ARHGEF7: variants seen among roughly 807,000 people sequenced by gnomAD.
The protein encoded by ARHGEF7 is PAK-interacting exchange factor beta.
ARHGEF7 carries 33 observed loss-of-function variants against 109.8 expected under a neutral mutation model. That is an observed-to-expected ratio of 0.30 (90% CI 0.23 to 0.40). The LOEUF is 0.40. Ranked by LOEUF, ARHGEF7 falls within the 10% of genes least tolerant of loss-of-function variation. The pLI is 1.00. For synonymous variants in ARHGEF7, 458 were observed against 424.6 expected, an observed-to-expected ratio of 1.08 and a Z score of -0.97; for missense variants, 938 against 1,098.5, an observed-to-expected ratio of 0.85 and a Z score of 2.07.
intron 1 of ARHGEF7, among the ~76,000 whole-genome samples, chr13:111,130,030 A>G (rs1269368674): frequency 6.6e-6 from 1 of 152,228 alleles, no homozygotes; most frequent in African/African-American, 2.4e-5. Flanking sequence ...CCTGTAATGG[A>G]ACACGGCTCA....
intron 4 of ARHGEF7, among the ~76,000 whole-genome samples, chr13:111,211,653 C>T (rs2082512582): frequency 6.6e-6 from 1 of 152,206 alleles, no homozygotes. Flanking sequence ...CAAGACCTCT[C>T]TCAGCCATGC....
At chr13:111,251,679 G>T (rs1266797004) in intron 8 of ARHGEF7, among the ~76,000 whole-genome samples, 1 of 152,192 alleles carries the variant, frequency 6.6e-6, no homozygotes, top group Non-Finnish European at 1.5e-5. Flanking sequence ...GTCTGTTTTT[G>T]CTTAGGCATT....
Position 111,301,500 on chromosome 13 carries a change from G to T in ARHGEF7, c.2434G>T (p.Ala812Ser), listed in dbSNP as rs780817654. 1 of 1,613,140 alleles carries T rather than the reference G, an allele frequency of 6.2e-7. No individual in the cohort carries two copies. The highest frequency in any genetic ancestry group is 1.1e-5 in the South Asian group (1 of 90,992). The change falls in exon 21 of 22, where the codon GCA becomes TCA. Residue 812 changes from alanine (A) to serine (S), a missense_variant. Ala to Ser is a moderately conservative substitution (Grantham distance 99, BLOSUM62 1). This residue lies in a region of ARHGEF7 where 166 missense variants were observed against 167.3 expected (regional missense o/e 0.99). Transcript: ENST00000646102. ...EEKSLVDTVY[A>S]LKDEVQELRQ... ...CAGGAGTCTTGTGGATACCGTATAT[G>T]CATTAAAGGATGAAGTTCAAGAATT...
intron 16 of ARHGEF7, among the ~76,000 whole-genome samples, chr13:111,283,625 T>G (rs2088200037): frequency 6.6e-6 from 1 of 152,076 alleles, no homozygotes; most frequent in African/African-American, 2.4e-5. Context: ...GCCGGAGGAG[T>G]GTGCCGCCAG....
intron 2 of ARHGEF7, among the ~76,000 whole-genome samples, chr13:111,175,670 C>A (rs1035396425): frequency 6.6e-6 from 1 of 152,204 alleles, no homozygotes; most frequent in Admixed American, 6.5e-5. Flanking sequence ...TGGACGTCCT[C>A]ATAGCAGCCC....
rs538956619 is a variant in ARHGEF7, at chr13:111,173,604, G to C, written c.252+19613G>C. ...GGAAGCCTGTGAAATTTCATCCACGGATTGCTTTCCCAGGAGGTTGGCAAT... is the reference window on the plus strand; with the variant it reads ...GGAAGCCTGTGAAATTTCATCCACGCATTGCTTTCCCAGGAGGTTGGCAAT... On this transcript the variant is annotated intron_variant, in intron 2 of 21. Transcript: ENST00000646102. Among the ~76,000 whole-genome samples the C allele has an allele frequency of 5.2e-4, 79 of 152,356 alleles. 2 individuals are homozygous for C. Among genetic ancestry groups the C allele is most frequent in the African/African-American group, 1.8e-3 (73 of 41,578 alleles).
At chr13:111,197,208 T>C (rs2080625782) in intron 2 of ARHGEF7, among the ~76,000 whole-genome samples, 1 of 151,664 alleles carries the variant, frequency 6.6e-6, no homozygotes, top group South Asian at 2.1e-4. Context: ...ACCCTGCTGA[T>C]GGGAATAGTT....
intron 8 of ARHGEF7, among the ~76,000 whole-genome samples, chr13:111,259,590 A>G (rs943848059): frequency 1.3e-5 from 2 of 152,218 alleles, no homozygotes; most frequent in Non-Finnish European, 2.9e-5. Context: ...AGTGAGACCA[A>G]AAACTTAAAT....
chr13:111,117,888 T>C (rs2066909413), intron 1 of ARHGEF7, among the ~76,000 whole-genome samples: 1 of 152,250 alleles, frequency 6.6e-6, no homozygotes, highest in African/African-American at 2.4e-5. Context: ...GGTGTTTTCA[T>C]GCTTACCAGA....
chr13:111,225,828 AC>A (rs1259694356), intron 5 of ARHGEF7, among the ~76,000 whole-genome samples: 1 of 152,202 alleles, frequency 6.6e-6, no homozygotes, highest in Non-Finnish European at 1.5e-5. Context: ...TCCCTGAGAC[AC>A]AAAAATACTG....
chr13:111,232,434 C>T (rs1165785597), intron 5 of ARHGEF7, among the ~76,000 whole-genome samples: 4 of 152,054 alleles, frequency 2.6e-5, no homozygotes, highest in Admixed American at 1.3e-4. Context: ...GACCCCCTCC[C>T]GTAGAACCAT....
At position 111,286,342 on chromosome 13, in the gene ARHGEF7, C is replaced by T. The variant is rs982897160; in HGVS notation, c.2044+102C>T. ...AGGCTTGGTGGCTTTCTGAAGACTC[C>T]AAACAAAAGTAAGGTCTGCCCCTTG... On this transcript the variant is annotated intron_variant, in intron 17 of 21. Transcript: ENST00000646102. The T allele has an allele frequency of 5.4e-6, 5 of 927,956 alleles. No homozygotes were observed. In the African/African-American group the frequency reaches 8.2e-5, roughly 15 times the overall value. The allele number at this position is 927,956 out of a possible 1,614,324, so 57.5% of individuals were successfully genotyped here. A position where few individuals can be genotyped will look rare whatever the true frequency, so the allele number is the denominator to read the frequency against.
At chr13:111,214,868 A>C (rs1341054528) in intron 4 of ARHGEF7, among the ~76,000 whole-genome samples, 1 of 151,086 alleles carries the variant, frequency 6.6e-6, no homozygotes, top group Non-Finnish European at 1.5e-5. Context: ...TAAATAGATA[A>C]GTATTAAATA....
chr13:111,241,343 G>A lies in ARHGEF7; in HGVS notation c.760-2529G>A, dbSNP rs747434259. The A allele has an allele frequency of 3.3e-6, 5 of 1,535,992 alleles. No homozygotes were observed. In the South Asian group the frequency reaches 3.6e-5, roughly 11 times the overall value. ...GAGGAGGGGAAGAAAGGTGGTAAGT[G>A]GCACCCCCGGCTGCGCCCCGAGGTC... On this transcript the variant is annotated intron_variant, in intron 6 of 21. Coordinates refer to ENST00000646102, the MANE Select transcript of ARHGEF7 (RefSeq NM_001354046.2).
At chr13:111,136,511 A>G (rs1292216923) in intron 1 of ARHGEF7, among the ~76,000 whole-genome samples, 1 of 152,258 alleles carries the variant, frequency 6.6e-6, no homozygotes, top group Non-Finnish European at 1.5e-5. Context: ...ACATAACAAA[A>G]TGAAGGCAGA....
At chr13:111,171,206 G>GT (rs1005696129) in intron 2 of ARHGEF7, among the ~76,000 whole-genome samples, 4 of 152,180 alleles carry the variant, frequency 2.6e-5, no homozygotes, top group African/African-American at 9.7e-5. Context: ...GGAAGGTACG[G>GT]TTTTTTCCAC....
chr13:111,297,054 A>C (rs1460539832), intron 19 of ARHGEF7, among the ~76,000 whole-genome samples: 1 of 152,256 alleles, frequency 6.6e-6, no homozygotes, highest in Non-Finnish European at 1.5e-5. Flanking sequence ...TGATGTCTCT[A>C]AAAACACTTA....
At chr13:111,175,145 T>C (rs1408027899) in intron 2 of ARHGEF7, among the ~76,000 whole-genome samples, 1 of 152,222 alleles carries the variant, frequency 6.6e-6, no homozygotes, top group Non-Finnish European at 1.5e-5. Context: ...TGCTTATTTC[T>C]TTTCGTAATA....
intron 6 of ARHGEF7, among the ~76,000 whole-genome samples, chr13:111,238,545 G>A (rs2087172526): frequency 6.6e-6 from 1 of 152,226 alleles, no homozygotes; most frequent in South Asian, 2.1e-4. Flanking sequence ...GAAAGCTGTA[G>A]CCAAGGTGGC....
Sources: gnomAD v4.1 joint callset for allele counts (sites outside exome capture counted in the v4.1 genomes callset) on GRCh38, gnomAD v4.1.1 for gene constraint, gnomAD v4.1.1 regional missense constraint, MANE v1.5 for transcripts, NCBI Gene and HGNC (gene_info 2026-07-23, HGNC 2026-07-21) for gene names.